Variants in ERBB4 observed in about 807,000 individuals in gnomAD.
The protein encoded by ERBB4 is erb-b2 receptor tyrosine kinase 4.
A neutral mutation model predicts 158.0 loss-of-function variants in ERBB4; 42 were observed. That is an observed-to-expected ratio of 0.27 (90% CI 0.21 to 0.34). ERBB4 has a LOEUF of 0.34. Ranked by LOEUF, ERBB4 falls within the 10% of genes least tolerant of loss-of-function variation. The probability of loss-of-function intolerance (pLI) is 1.00; values close to 1 mark genes in which losing one functional copy is unlikely to be tolerated. For missense variants in ERBB4, 1,333 were observed against 1,624.1 expected (o/e 0.82, Z 3.08); for synonymous variants, 583 against 558.7 (o/e 1.04, Z -0.61).
intron 25 of ERBB4, among the ~76,000 whole-genome samples, chr2:211,400,059 T>A (rs2063001150): frequency 6.6e-6 from 1 of 152,078 alleles, no homozygotes; most frequent in Non-Finnish European, 1.5e-5. Flanking sequence ...AAATTCTAAA[T>A]CAAAATTACA....
intron 1 of ERBB4, among the ~76,000 whole-genome samples, chr2:212,281,905 C>T (rs1303949122): frequency 6.6e-6 from 1 of 151,738 alleles, no homozygotes; most frequent in Non-Finnish European, 1.5e-5. Flanking sequence ...AATTGTCTAA[C>T]CCAGACTGCA....
intron 20 of ERBB4, among the ~76,000 whole-genome samples, chr2:211,523,773 G>T (rs1258631645): frequency 1.3e-5 from 2 of 152,202 alleles, no homozygotes. Context: ...AAAGAACAAA[G>T]CTTCCACAGT....
chr2:211,829,465 T>C (rs2077173132), intron 3 of ERBB4, among the ~76,000 whole-genome samples: 1 of 152,144 alleles, frequency 6.6e-6, no homozygotes, highest in Non-Finnish European at 1.5e-5. Flanking sequence ...TATTCACCCA[T>C]CAGTTACTTT....
chr2:212,041,279 C>T (rs1159956399), intron 2 of ERBB4, among the ~76,000 whole-genome samples: 1 of 152,004 alleles, frequency 6.6e-6, no homozygotes, highest in Non-Finnish European at 1.5e-5. Context: ...TTAGTTGTTG[C>T]TGTTTTTTTT....
chr2:211,432,223 A>G (rs16846152), intron 20 of ERBB4, among the ~76,000 whole-genome samples: 3,456 of 152,334 alleles, frequency 0.023, 119 homozygotes, highest in African/African-American at 0.078. Flanking sequence ...TTACAACTGC[A>G]GGACTTTGAA....
intron 3 of ERBB4, among the ~76,000 whole-genome samples, chr2:211,817,960 G>C (rs2076913768): frequency 6.6e-6 from 1 of 152,086 alleles, no homozygotes; most frequent in East Asian, 1.9e-4. Flanking sequence ...TGCTATAGAA[G>C]ACAGATAAGA....
intron 2 of ERBB4, among the ~76,000 whole-genome samples, chr2:211,952,684 TA>T (rs2080905492): frequency 6.6e-6 from 1 of 152,078 alleles, no homozygotes. Flanking sequence ...TCAGGTTGCT[TA>T]ACCTCATTTA....
chr2:212,261,129 CA>C (rs1056682665), intron 1 of ERBB4, among the ~76,000 whole-genome samples: 43 of 152,072 alleles, frequency 2.8e-4, no homozygotes, highest in Admixed American at 2.3e-3. Context: ...TGAATGTTCT[CA>C]AAAAGTCTTT....
rs564874341 is a variant in ERBB4, at chr2:211,539,450, C to A, written c.2487+22453G>T. 7.2e-5 allele frequency among the ~76,000 whole-genome samples: 11 copies of A among 152,058 alleles called. No individual in the cohort carries two copies. The East Asian group carries it at 2.1e-3, about 29-fold the overall frequency. On this transcript the variant is annotated intron_variant, in intron 20 of 27. Coordinates refer to ENST00000342788, the MANE Select transcript of ERBB4 (RefSeq NM_005235.3). Reference sequence around the variant, plus strand: ...GATTTGTTTTAAATAAGCACATCTGCGTCTTTTTGTGCAACCCTTCCTTAC... The same window carrying A: ...GATTTGTTTTAAATAAGCACATCTGAGTCTTTTTGTGCAACCCTTCCTTAC...
At chr2:211,865,497 T>A (rs965453674) in intron 3 of ERBB4, among the ~76,000 whole-genome samples, 1 of 152,178 alleles carries the variant, frequency 6.6e-6, no homozygotes. Context: ...TATTTTTATT[T>A]TTTTCTTGAG....
chr2:211,856,678 C>A (rs950666595), intron 3 of ERBB4, among the ~76,000 whole-genome samples: 1 of 152,090 alleles, frequency 6.6e-6, no homozygotes, highest in African/African-American at 2.4e-5. Flanking sequence ...TGAGCCACTG[C>A]GCCCAGCCTA....
chr2:212,365,511 C>T (rs546014951), intron 1 of ERBB4, among the ~76,000 whole-genome samples: 1 of 151,708 alleles, frequency 6.6e-6, no homozygotes, highest in Non-Finnish European at 1.5e-5. Context: ...TCAGCATTAC[C>T]AGTCAAACTA....
chr2:212,096,304 T>C (rs2078931707), intron 2 of ERBB4, among the ~76,000 whole-genome samples: 1 of 150,698 alleles, frequency 6.6e-6, no homozygotes, highest in South Asian at 2.1e-4. Context: ...AGCATAGCCT[T>C]TGTGCAAGTC....
intron 1 of ERBB4, among the ~76,000 whole-genome samples, chr2:212,233,960 TTATTTATTA>T (rs1299550473): frequency 2.7e-5 from 3 of 112,842 alleles, no homozygotes; most frequent in Non-Finnish European, 3.6e-5. Context: ...TCTCTTTGCA[TTATTTATTA>T]TTATTATTAT....
intron 3 of ERBB4, among the ~76,000 whole-genome samples, chr2:211,805,452 A>C (rs1559533649): frequency 6.6e-6 from 1 of 152,226 alleles, no homozygotes; most frequent in Admixed American, 6.5e-5. Context: ...CAAGAGTATG[A>C]GCATAGAAAA....
chr2:211,747,554 T>C (rs1185120624), intron 5 of ERBB4, among the ~76,000 whole-genome samples: 5 of 152,126 alleles, frequency 3.3e-5, no homozygotes, highest in Admixed American at 6.5e-5. Flanking sequence ...AAGTGGTCTA[T>C]TATAGAAATA....
chr2:212,512,800 T>C (rs974736639), intron 1 of ERBB4, among the ~76,000 whole-genome samples: 1 of 152,112 alleles, frequency 6.6e-6, no homozygotes, highest in Non-Finnish European at 1.5e-5. Flanking sequence ...ATCAATTATT[T>C]TAAGAAAAAA....
chr2:211,711,873 C>G (rs2073714095), intron 9 of ERBB4, among the ~76,000 whole-genome samples, 177 bp downstream of exon 9: 1 of 152,032 alleles, frequency 6.6e-6, no homozygotes, highest in African/African-American at 2.4e-5. Flanking sequence ...TGAGCACATT[C>G]CAAAACTAGT....
intron 19 of ERBB4, among the ~76,000 whole-genome samples, chr2:211,598,917 T>G (rs2068716095): frequency 6.6e-6 from 1 of 152,162 alleles, no homozygotes; most frequent in Non-Finnish European, 1.5e-5. Context: ...CATTTTTGAG[T>G]CATGCCATAG....
Sources: allele counts gnomAD v4.1 joint callset (sites outside exome capture counted in the v4.1 genomes callset), GRCh38; gene constraint gnomAD v4.1.1; transcripts MANE v1.5; gene names NCBI Gene and HGNC (gene_info 2026-07-23, HGNC 2026-07-21).